The following EXOC6B variants were observed in gnomAD, a reference collection of about 807,000 sequenced individuals.
The protein encoded by EXOC6B is exocyst complex component 6B.
In EXOC6B, 54 loss-of-function variants were observed where a neutral mutation model predicts 113.5. That is an observed-to-expected ratio of 0.48 (90% CI 0.38 to 0.60). The LOEUF (loss-of-function observed/expected upper bound fraction) is 0.60, where lower values mean the gene tolerates loss of function less well. Ranked by LOEUF, EXOC6B falls within the 20% of genes least tolerant of loss-of-function variation. The probability of loss-of-function intolerance (pLI) is 0.00; values close to 1 mark genes in which losing one functional copy is unlikely to be tolerated. For synonymous variants in EXOC6B, 357 were observed against 339.0 expected (o/e 1.05, Z -0.58); for missense variants, 797 against 977.5 (o/e 0.82, Z 2.46).
intron 6 of EXOC6B, among the ~76,000 whole-genome samples, chr2:72,624,150 C>A (rs1214045360): frequency 6.7e-6 from 1 of 149,842 alleles, no homozygotes; most frequent in African/African-American, 2.5e-5. Context: ...TTTTTTTTTC[C>A]TTTTTTGAGA....
intron 7 of EXOC6B, among the ~76,000 whole-genome samples, chr2:72,559,866 A>G (rs572251810): frequency 4.2e-4 from 64 of 152,324 alleles, no homozygotes; most frequent in Middle Eastern, 3.4e-3. Flanking sequence ...TACACCTTTC[A>G]TGACGACTTT....
intron 18 of EXOC6B, among the ~76,000 whole-genome samples, chr2:72,426,645 CCT>C (rs1347118877): frequency 1.3e-5 from 2 of 152,160 alleles, no homozygotes; most frequent in Admixed American, 1.3e-4. Flanking sequence ...ACAAAGCGAT[CCT>C]CTGTCAGACC....
intron 6 of EXOC6B, among the ~76,000 whole-genome samples, chr2:72,609,419 T>C (rs767699872): frequency 7.9e-5 from 12 of 151,832 alleles, no homozygotes; most frequent in African/African-American, 2.9e-4. Context: ...GAAACTCTAG[T>C]ACTGAAAAAC....
chr2:72,418,168 T>C (rs1193063824), intron 18 of EXOC6B, among the ~76,000 whole-genome samples: 2 of 152,220 alleles, frequency 1.3e-5, no homozygotes, highest in Non-Finnish European at 2.9e-5. Context: ...TACTCTGAAA[T>C]TTTAAATTCA....
intron 1 of EXOC6B, among the ~76,000 whole-genome samples, chr2:72,771,924 G>C (rs144434385): frequency 1.2e-4 from 18 of 152,110 alleles, no homozygotes; most frequent in Admixed American, 1.1e-3. Context: ...ACTGAGGAGC[G>C]ATGTCAGCAA....
At chr2:72,666,563 A>G (rs1165972717) in intron 6 of EXOC6B, among the ~76,000 whole-genome samples, 1 of 152,162 alleles carries the variant, frequency 6.6e-6, no homozygotes, top group Non-Finnish European at 1.5e-5. Flanking sequence ...AAAGACATCT[A>G]AAAATGAAAA....
chr2:72,403,565 G>T (rs1156977928), intron 18 of EXOC6B, among the ~76,000 whole-genome samples: 1 of 152,074 alleles, frequency 6.6e-6, no homozygotes, highest in Admixed American at 6.6e-5. Flanking sequence ...AGGCATGGTG[G>T]TGCATGCCTG....
intron 15 of EXOC6B, among the ~76,000 whole-genome samples, chr2:72,492,636 T>C (rs1033773593): frequency 1.3e-5 from 2 of 150,654 alleles, no homozygotes; most frequent in African/African-American, 4.8e-5. Context: ...TTTTTGAAAA[T>C]TGTTTTTCTG....
intron 1 of EXOC6B, among the ~76,000 whole-genome samples, chr2:72,797,176 C>T (rs1248694676): frequency 6.6e-6 from 1 of 152,220 alleles, no homozygotes; most frequent in Non-Finnish European, 1.5e-5. Context: ...TCTCTTCCCA[C>T]ACTAACTAGG....
At chr2:72,342,321 T>A (rs1184215708) in intron 19 of EXOC6B, among the ~76,000 whole-genome samples, 1 of 151,646 alleles carries the variant, frequency 6.6e-6, no homozygotes, top group East Asian at 1.9e-4. Flanking sequence ...AAACTAAGAG[T>A]TAGCTTTCTT....
chr2:72,471,486 T>C (rs1233624678), intron 17 of EXOC6B, among the ~76,000 whole-genome samples: 1 of 152,170 alleles, frequency 6.6e-6, no homozygotes, highest in East Asian at 1.9e-4. Context: ...CATTTGTCAA[T>C]TTTGTCTTTT....
At chr2:72,199,514 G>A (rs1348679785) in intron 20 of EXOC6B, among the ~76,000 whole-genome samples, 2 of 152,160 alleles carry the variant, frequency 1.3e-5, no homozygotes, top group Non-Finnish European at 2.9e-5. Flanking sequence ...GCCTCTGGCA[G>A]GTTTCAATGA....
chr2:72,213,374 T>C (rs1680317187), intron 20 of EXOC6B, among the ~76,000 whole-genome samples: 1 of 152,202 alleles, frequency 6.6e-6, no homozygotes, highest in Non-Finnish European at 1.5e-5. Flanking sequence ...GGGGTTATCT[T>C]GTTAATGTAA....
chr2:72,789,864 A>AG lies in EXOC6B; in HGVS notation c.113+35933dup, dbSNP rs538928324. ...ATAAAAAGTTTGGGTAGCAAAGGGC[A>AG]GGGGGGAACTTGACACACTCATAGC... On this transcript the variant is annotated intron_variant, in intron 1 of 21. Coordinates refer to ENST00000272427, the MANE Select transcript of EXOC6B (RefSeq NM_015189.3). Among the ~76,000 whole-genome samples the AG allele has an allele frequency of 3.0e-4, 46 of 152,282 alleles. 1 individual carries two copies. The highest frequency in any genetic ancestry group is 9.4e-4 in the African/African-American group (39 of 41,566).
At chr2:72,823,318 C>T (rs1204668904) in intron 1 of EXOC6B, among the ~76,000 whole-genome samples, 1 of 151,324 alleles carries the variant, frequency 6.6e-6, no homozygotes, top group Non-Finnish European at 1.5e-5. Context: ...ACACAAAACC[C>T]CACTTTTCAG....
intron 8 of EXOC6B, among the ~76,000 whole-genome samples, chr2:72,531,942 G>A (rs1033310678): frequency 4.6e-5 from 7 of 151,934 alleles, no homozygotes; most frequent in Non-Finnish European, 2.9e-5. Flanking sequence ...CCAAGATTGT[G>A]CCATTGCACT....
rs1228216239 is a variant in EXOC6B, at chr2:72,582,637, C to A, written c.670-6969G>T. On this transcript the variant is annotated intron_variant, in intron 6 of 21. Coordinates refer to ENST00000272427, the MANE Select transcript of EXOC6B (RefSeq NM_015189.3). ...GCAACCTCCACCTCCCGGGTTCAAGCAAAGAATTACAGAAATTAGAAGTCT... is the reference window on the plus strand; with the variant it reads ...GCAACCTCCACCTCCCGGGTTCAAGAAAAGAATTACAGAAATTAGAAGTCT... Among the ~76,000 whole-genome samples, 4 of 151,880 alleles carry A rather than the reference C, an allele frequency of 2.6e-5. No homozygotes were observed. In the East Asian group the frequency reaches 7.7e-4, roughly 29 times the overall value.
rs372114101 is a variant in EXOC6B at position 72,712,482 on chromosome 2, G to C, written c.669+5621C>G. 7.9e-5 allele frequency among the ~76,000 whole-genome samples: 12 copies of C among 152,254 alleles called. No individual in the cohort carries two copies. The East Asian group carries it at 1.4e-3, about 17-fold the overall frequency. Reference sequence around the variant, plus strand: ...CAGAGTCCTCTTTTAAGCTATTAAGGTTGTTGGCAGAATTCAGTTCCTTGT... The same window carrying C: ...CAGAGTCCTCTTTTAAGCTATTAAGCTTGTTGGCAGAATTCAGTTCCTTGT... On this transcript the variant is annotated intron_variant, in intron 6 of 21. Transcript: ENST00000272427.
At chr2:72,733,884 C>T (rs1208566756) in intron 2 of EXOC6B, among the ~76,000 whole-genome samples, 2 of 152,150 alleles carry the variant, frequency 1.3e-5, no homozygotes, top group African/African-American at 4.8e-5. Context: ...AATTGCTACT[C>T]CTTATACTTT....
Sources: allele counts gnomAD v4.1 joint callset (sites outside exome capture counted in the v4.1 genomes callset), GRCh38; gene constraint gnomAD v4.1.1; transcripts MANE v1.5; gene names NCBI Gene and HGNC (gene_info 2026-07-23, HGNC 2026-07-21).